Variants in BMAL1 observed in about 807,000 individuals in gnomAD.
BMAL1 encodes the protein basic helix-loop-helix ARNT-like protein 1.
At chr11:13,286,863 T>A in the BMAL1 span, among the ~76,000 whole-genome samples, 1,349 of 152,278 alleles carry the variant, frequency 8.9e-3, 23 homozygotes, top group African/African-American at 0.03. Context: ...AATATAGTTA[T>A]AAGTGCCCTT....
the BMAL1 span, among the ~76,000 whole-genome samples, chr11:13,366,193 G>T: frequency 1.3e-5 from 2 of 152,182 alleles, no homozygotes; most frequent in African/African-American, 4.8e-5. Context: ...ATGTAAATTA[G>T]AATTAATGTA....
chr11:13,309,576 G>A, the BMAL1 span, among the ~76,000 whole-genome samples: 1 of 152,144 alleles, frequency 6.6e-6, no homozygotes, highest in Non-Finnish European at 1.5e-5. Flanking sequence ...AATGAAGTGA[G>A]TAGGTTATTT....
the BMAL1 span, chr11:13,277,551 C>G: frequency 6.6e-6 from 1 of 152,110 alleles, no homozygotes; most frequent in Non-Finnish European, 1.5e-5. Flanking sequence ...CATTGGTCAG[C>G]GGCCTCTCTA....
At chr11:13,299,588 C>T in the BMAL1 span, among the ~76,000 whole-genome samples, 180 of 152,236 alleles carry the variant, frequency 1.2e-3, 1 homozygote, top group African/African-American at 4.0e-3. Flanking sequence ...GAGGGGTCCA[C>T]ACTGGGGATT....
the BMAL1 span, among the ~76,000 whole-genome samples, chr11:13,386,260 GGT>G: frequency 1.3e-5 from 2 of 151,868 alleles, no homozygotes; most frequent in Non-Finnish European, 2.9e-5. Context: ...CCTCTTAACT[GGT>G]TACATCAGAT....
At chr11:13,376,183 T>C in the BMAL1 span, among the ~76,000 whole-genome samples, 1 of 152,188 alleles carries the variant, frequency 6.6e-6, no homozygotes, top group Non-Finnish European at 1.5e-5. Flanking sequence ...GCCCAAGCAC[T>C]GGCAGCTGGA....
chr11:13,381,298 C>T, the BMAL1 span: 3 of 1,587,776 alleles, frequency 1.9e-6, no homozygotes, highest in South Asian at 3.3e-5. Context: ...ACCTCTTGCC[C>T]AAGATCTGAA....
chr11:13,290,174 A>C, the BMAL1 span, among the ~76,000 whole-genome samples: 8 of 152,162 alleles, frequency 5.3e-5, no homozygotes, highest in East Asian at 7.7e-4. Flanking sequence ...TGGCTGCATA[A>C]ATGTCTTCTT....
the BMAL1 span, chr11:13,372,131 T>C: frequency 1.2e-6 from 2 of 1,611,082 alleles, no homozygotes; most frequent in Non-Finnish European, 8.5e-7. Flanking sequence ...CCAAACCTAG[T>C]GCTGACACTA....
the BMAL1 span, among the ~76,000 whole-genome samples, chr11:13,340,017 G>A: frequency 5.9e-5 from 9 of 152,174 alleles, 1 homozygote; most frequent in Non-Finnish European, 8.8e-5. Flanking sequence ...CAGTGTCTTC[G>A]TTATTACAAA....
At chr11:13,352,433 C>T in the BMAL1 span, among the ~76,000 whole-genome samples, 6 of 152,056 alleles carry the variant, frequency 3.9e-5, no homozygotes, top group African/African-American at 1.4e-4. Flanking sequence ...CAGAGAAACG[C>T]CTGTAAAGAG....
chr11:13,332,310 GCAAA>G, the BMAL1 span, among the ~76,000 whole-genome samples: 45 of 152,306 alleles, frequency 3.0e-4, 1 homozygote, highest in Admixed American at 2.9e-3. Context: ...TTGTCAGATA[GCAAA>G]CAATTAGTTT....
At chr11:13,350,618 A>C in the BMAL1 span, among the ~76,000 whole-genome samples, 1 of 152,230 alleles carries the variant, frequency 6.6e-6, no homozygotes, top group African/African-American at 2.4e-5. Context: ...GTGTATTTCA[A>C]GTTAGTGGCA....
chr11:13,348,865 C>A, the BMAL1 span, among the ~76,000 whole-genome samples: 1 of 152,114 alleles, frequency 6.6e-6, no homozygotes, highest in African/African-American at 2.4e-5. Context: ...CTATAGCGAT[C>A]GAGGCAAAGA....
chr11:13,376,013 A>G, the BMAL1 span, among the ~76,000 whole-genome samples: 10 of 152,336 alleles, frequency 6.6e-5, no homozygotes, highest in African/African-American at 2.4e-4. Context: ...CCTTCCAGAT[A>G]AAGCAGCTAA....
chr11:13,386,497 A>G, the BMAL1 span: 15 of 1,262,578 alleles, frequency 1.2e-5, no homozygotes, highest in South Asian at 2.4e-4. Context: ...CTACCATTAA[A>G]TGTAACTTTC....
chr11:13,328,163 G>T, the BMAL1 span, among the ~76,000 whole-genome samples: 1 of 152,114 alleles, frequency 6.6e-6, no homozygotes, highest in Non-Finnish European at 1.5e-5. Flanking sequence ...CTAGAGGATC[G>T]ACTGGAGAGG....
At chr11:13,299,642 T>G in the BMAL1 span, among the ~76,000 whole-genome samples, 1 of 151,610 alleles carries the variant, frequency 6.6e-6, no homozygotes, top group Admixed American at 6.6e-5. Flanking sequence ...AGCTCTAGAG[T>G]CATTTTCTTT....
At chr11:13,283,441 C>A in the BMAL1 span, among the ~76,000 whole-genome samples, 2 of 152,322 alleles carry the variant, frequency 1.3e-5, no homozygotes, top group Non-Finnish European at 2.9e-5. Context: ...AACCCCATAA[C>A]AACTACATGA....
Sources: gnomAD v4.1 joint callset for allele counts (sites outside exome capture counted in the v4.1 genomes callset) on GRCh38, gnomAD v4.1.1 for gene constraint, MANE v1.5 for transcripts, NCBI Gene and HGNC (gene_info 2026-07-23, HGNC 2026-07-21) for gene names.